Variants in ZBTB16 observed in about 807,000 individuals in gnomAD.
ZBTB16 encodes zinc finger and BTB domain containing 16.
In ZBTB16, 8 loss-of-function variants were observed where a neutral mutation model predicts 56.8. The observed-to-expected ratio is 0.14, with a 90% CI of 0.08 to 0.25. The LOEUF (loss-of-function observed/expected upper bound fraction) is 0.25, where lower values mean the gene tolerates loss of function less well. Ranked by LOEUF, ZBTB16 falls within the 10% of genes least tolerant of loss-of-function variation. The pLI, the probability that ZBTB16 is intolerant of heterozygous loss-of-function variation, is 1.00. For synonymous variants in ZBTB16, 363 were observed against 368.5 expected (o/e 0.98, Z 0.17); for missense variants, 625 against 903.0 (o/e 0.69, Z 3.95).
intron 2 of ZBTB16, among the ~76,000 whole-genome samples, chr11:114,074,375 T>C (rs1057052905): frequency 1.3e-5 from 2 of 152,184 alleles, no homozygotes; most frequent in Admixed American, 6.5e-5. Flanking sequence ...GGGGCAACCA[T>C]TATTAGTGTT....
intron 4 of ZBTB16, among the ~76,000 whole-genome samples, chr11:114,196,983 T>C (rs1943625586): frequency 6.6e-6 from 1 of 152,106 alleles, no homozygotes; most frequent in African/African-American, 2.4e-5. Context: ...TAGCATTGTC[T>C]TCCCTCCCTG....
chr11:114,093,758 C>G (rs1006179712), intron 2 of ZBTB16, among the ~76,000 whole-genome samples: 43 of 152,204 alleles, frequency 2.8e-4, no homozygotes, highest in African/African-American at 1.0e-3. Flanking sequence ...CTCAGGAGGC[C>G]TAATCTGTAA....
chr11:114,152,401 C>T (rs147329754), intron 2 of ZBTB16, among the ~76,000 whole-genome samples: 463 of 152,330 alleles, frequency 3.0e-3, no homozygotes, highest in African/African-American at 0.01. Context: ...ATGAATTCTT[C>T]TCTTCAGTTT....
intron 3 of ZBTB16, among the ~76,000 whole-genome samples, chr11:114,182,786 G>A (rs1464309293): frequency 6.6e-6 from 1 of 152,174 alleles, no homozygotes; most frequent in East Asian, 1.9e-4. Flanking sequence ...TAGCCATGTG[G>A]TTTATACACA....
At chr11:114,094,455 T>C (rs1267013900) in intron 2 of ZBTB16, among the ~76,000 whole-genome samples, 2 of 152,246 alleles carry the variant, frequency 1.3e-5, no homozygotes, top group African/African-American at 4.8e-5. Flanking sequence ...GTTTCTCTAA[T>C]TGATGAAGGG....
rs553052444 is a variant in ZBTB16 at position 114,200,430 on chromosome 11, T to C, written c.1453+13392T>C. Among the ~76,000 whole-genome samples, 4 of 152,360 alleles carry C rather than the reference T, an allele frequency of 2.6e-5. No individual in the cohort carries two copies. The South Asian group carries it at 8.3e-4, about 32-fold the overall frequency. On this transcript the variant is annotated intron_variant, in intron 4 of 6. Coordinates refer to ENST00000335953, the MANE Select transcript of ZBTB16 (RefSeq NM_006006.6). Reference sequence around the variant, plus strand: ...AGAGTCTGATCTTTGAGGACTATTATTCAGAACGTGGTCTGTGCCCAGCAC... The same window carrying C: ...AGAGTCTGATCTTTGAGGACTATTACTCAGAACGTGGTCTGTGCCCAGCAC...
chr11:114,191,943 G>A (rs1268706523), intron 4 of ZBTB16, among the ~76,000 whole-genome samples: 2 of 152,216 alleles, frequency 1.3e-5, no homozygotes, highest in African/African-American at 4.8e-5. Context: ...TGGCTCTTGT[G>A]TTGCGGACTG....
At chr11:114,210,269 C>G (rs1267308361) in intron 4 of ZBTB16, among the ~76,000 whole-genome samples, 3 of 152,000 alleles carry the variant, frequency 2.0e-5, no homozygotes, top group African/African-American at 7.3e-5. Context: ...TAGGACATTT[C>G]AGGAAGCATT....
rs140863720 is a variant in ZBTB16 at position 114,256,176 on chromosome 11, A to T, written c.*5621A>T. Among the ~76,000 whole-genome samples the T allele has an allele frequency of 2.5e-4, 38 of 152,318 alleles. No homozygotes were observed. The highest frequency in any genetic ancestry group is 2.0e-3 in the Admixed American group (30 of 15,304). ...TTTATGCCACATTTACAAGGCACAG[A>T]TGCACTGAATAACATTTTTCTAATA... On this transcript the variant is annotated 3_prime_UTR_variant, in exon 7 of 7. Coordinates refer to ENST00000335953, the MANE Select transcript of ZBTB16 (RefSeq NM_006006.6).
At chr11:114,083,085 A>C (rs1939828276) in intron 2 of ZBTB16, among the ~76,000 whole-genome samples, 1 of 152,110 alleles carries the variant, frequency 6.6e-6, no homozygotes, top group South Asian at 2.1e-4. Context: ...CGGCCTTGGA[A>C]ACGCCGTTCC....
At chr11:114,145,748 C>G (rs192281072) in intron 2 of ZBTB16, among the ~76,000 whole-genome samples, 1 of 152,204 alleles carries the variant, frequency 6.6e-6, no homozygotes, top group South Asian at 2.1e-4. Flanking sequence ...TATGAATATG[C>G]TACAAACCAG....
At chr11:114,070,251 G>A (rs113404711) in intron 2 of ZBTB16, among the ~76,000 whole-genome samples, 3 of 151,322 alleles carry the variant, frequency 2.0e-5, no homozygotes, top group African/African-American at 7.3e-5. Flanking sequence ...TGGGACTACA[G>A]GCGCCCGCCA....
intron 3 of ZBTB16, among the ~76,000 whole-genome samples, chr11:114,173,957 A>G (rs965693556): frequency 1.3e-5 from 2 of 152,236 alleles, no homozygotes; most frequent in African/African-American, 4.8e-5. Flanking sequence ...GCATGGAGGT[A>G]TATGCCTAGA....
chr11:114,107,254 A>G (rs1940825636), intron 2 of ZBTB16, among the ~76,000 whole-genome samples: 1 of 152,210 alleles, frequency 6.6e-6, no homozygotes, highest in Admixed American at 6.5e-5. Flanking sequence ...GGGAGGTATA[A>G]GCCTCACCTG....
At chr11:114,245,966 C>T (rs950397201) in intron 5 of ZBTB16, among the ~76,000 whole-genome samples, 3 of 152,140 alleles carry the variant, frequency 2.0e-5, no homozygotes, top group African/African-American at 7.2e-5. Flanking sequence ...TTGTCTGCGC[C>T]TTCACTCCTG....
intron 2 of ZBTB16, among the ~76,000 whole-genome samples, chr11:114,065,647 C>T (rs539815677): frequency 2.2e-4 from 34 of 152,318 alleles, no homozygotes; most frequent in African/African-American, 7.2e-4. Flanking sequence ...AACTCCCGAC[C>T]TCAGGTGATC....
At chr11:114,233,618 A>T (rs1396064329) in intron 4 of ZBTB16, among the ~76,000 whole-genome samples, 3 of 151,538 alleles carry the variant, frequency 2.0e-5, no homozygotes, top group Non-Finnish European at 4.4e-5. Flanking sequence ...CTTTTTTTTT[A>T]AAACCTCCTT....
chr11:114,233,053 C>CCCCCCT (rs1944475041), intron 4 of ZBTB16, among the ~76,000 whole-genome samples: 6 of 127,038 alleles, frequency 4.7e-5, no homozygotes, highest in Admixed American at 8.0e-5. Context: ...ACCCACTCTA[C>CCCCCCT]TGCACATACG....
intron 2 of ZBTB16, among the ~76,000 whole-genome samples, chr11:114,128,334 C>T (rs1033530398): frequency 6.6e-6 from 1 of 152,178 alleles, no homozygotes; most frequent in African/African-American, 2.4e-5. Context: ...GGAGCACCTC[C>T]CGGATACGAC....
Sources: allele counts gnomAD v4.1 joint callset (sites outside exome capture counted in the v4.1 genomes callset), GRCh38; gene constraint gnomAD v4.1.1; transcripts MANE v1.5; gene names NCBI Gene and HGNC (gene_info 2026-07-23, HGNC 2026-07-21).